Variants in PCDHGA1 observed in about 807,000 individuals in gnomAD.
PCDHGA1 encodes the protein protocadherin gamma-A1.
In PCDHGA1, 32 loss-of-function variants were observed where a neutral mutation model predicts 58.0. The observed-to-expected ratio is 0.55, with a 90% confidence interval of 0.42 to 0.74. The LOEUF (loss-of-function observed/expected upper bound fraction) is 0.74, where lower values mean the gene tolerates loss of function less well. Ranked by LOEUF, PCDHGA1 falls within the 30% of genes least tolerant of loss-of-function variation. The pLI is 0.00. For synonymous variants in PCDHGA1, 498 were observed against 501.1 expected, an observed-to-expected ratio of 0.99 and a Z score of 0.08; for missense variants, 1,205 against 1,182.3, an observed-to-expected ratio of 1.02 and a Z score of -0.28.
chr5:141,429,073 C>CTCGATT (rs1202357717), intron 1 of PCDHGA1: 1 of 152,116 alleles, frequency 6.6e-6, no homozygotes, highest in African/African-American at 2.4e-5. Context: ...CCAGGATGGT[C>CTCGATT]TCGATTTCCT....
rs1212833348 is a variant in PCDHGA1 at position 141,431,379 on chromosome 5, C to T, written c.2422-63428C>T. On this transcript the variant is annotated intron_variant, in intron 1 of 3. Transcript: ENST00000517417. The surrounding 1 kb of genome is among the most constrained non-coding windows in gnomAD (Gnocchi z 4.8). ...GCCCTGGACCGCGAAGAAAAGGCTG[C>T]TCACCACCTGGTCCTTACGGCCTCC... is the stretch of plus-strand genomic sequence containing the variant. 3 of 1,613,946 alleles carry T rather than the reference C, an allele frequency of 1.9e-6. No individual in the cohort carries two copies. Among genetic ancestry groups the T allele is most frequent in the Non-Finnish European group, 2.5e-6 (3 of 1,180,020 alleles).
intron 1 of PCDHGA1, chr5:141,415,448 C>T (rs2095870056): frequency 6.2e-7 from 1 of 1,614,052 alleles, no homozygotes; most frequent in African/African-American, 1.3e-5. Flanking sequence ...CAGACCTATT[C>T]CCACGAGGTC....
In PCDHGA1 at chr5:141,454,796, ATTTTT is replaced by A. The variant is rs61612330; in HGVS notation, c.2422-39986_2422-39982del. Among the ~76,000 whole-genome samples the A allele has an allele frequency of 4.9e-3, 378 of 77,354 alleles. 2 individuals carry two copies. Among genetic ancestry groups the A allele is most frequent in the Admixed American group, 9.2e-3 (51 of 5,544 alleles). 50.7% of individuals were successfully genotyped at this position (77,354 alleles called of 152,430 possible). On this transcript the variant is annotated intron_variant, in intron 1 of 3. Coordinates refer to ENST00000517417, the MANE Select transcript of PCDHGA1 (RefSeq NM_018912.3). ...AAGGAAATAATCCTCCATGGTTCTA[ATTTTT>A]TTTTTTTTTTTTTTTTTTTTTTTTG...
Position 141,512,703 on chromosome 5 carries a change from T to C in PCDHGA1, c.*1530T>C. ...TAGCCAGTAGTGTAGTGCGGTGTGC[T>C]TTTACGTGATGGCGGGTGGGCAGCG... On this transcript the variant is annotated 3_prime_UTR_variant, in exon 4 of 4. Coordinates refer to ENST00000517417, the MANE Select transcript of PCDHGA1 (RefSeq NM_018912.3). 1 of 152,958 alleles carries C rather than the reference T, an allele frequency of 6.5e-6. No individual in the cohort carries two copies. Among genetic ancestry groups the C allele is most frequent in the East Asian group, 1.9e-4 (1 of 5,212 alleles). 9.5% of individuals were successfully genotyped at this position (152,958 alleles called of 1,614,324 possible).
Position 141,486,986 on chromosome 5 carries a change from T to C in PCDHGA1, c.2422-7821T>C. Reference sequence around the variant, plus strand: ...GGACTTGGATTCAGGTTACAATGCTTGGGTTTCCTATCAGCTCCTGGAGGC... The same window carrying C: ...GGACTTGGATTCAGGTTACAATGCTCGGGTTTCCTATCAGCTCCTGGAGGC... On this transcript the variant is annotated intron_variant, in intron 1 of 3. Coordinates refer to ENST00000517417, the MANE Select transcript of PCDHGA1 (RefSeq NM_018912.3). The surrounding 1 kb of genome is among the most constrained non-coding windows in gnomAD (Gnocchi z 5.0). 6.2e-7 allele frequency: 1 copy of C among 1,614,214 alleles called. No homozygotes were observed. Among genetic ancestry groups the C allele is most frequent in the South Asian group, 1.1e-5 (1 of 91,088 alleles).
chr5:141,456,139 C>T (rs999574407), intron 1 of PCDHGA1, among the ~76,000 whole-genome samples: 20 of 152,010 alleles, frequency 1.3e-4, no homozygotes, highest in Admixed American at 9.8e-4. Context: ...CCTCCTGATC[C>T]GCCCGCCTCG....
chr5:141,362,463 C>T (rs745712262), intron 1 of PCDHGA1: 13 of 1,613,916 alleles, frequency 8.1e-6, no homozygotes, highest in African/African-American at 1.3e-5. Flanking sequence ...AATTGGTTCC[C>T]GCGCAAGATC....
Position 141,457,874 on chromosome 5 carries a change from G to A in PCDHGA1, c.2422-36933G>A, listed in dbSNP as rs1592531610. Among the ~76,000 whole-genome samples, 7 of 152,320 alleles carry A rather than the reference G, an allele frequency of 4.6e-5. No homozygotes were observed. In the South Asian group the frequency reaches 1.5e-3, roughly 32 times the overall value. On this transcript the variant is annotated intron_variant, in intron 1 of 3. Transcript: ENST00000517417. ...ACATTCTTCACTGACCACAGGTTAGGAACCCTGTGTGGGGACTGTGTAGAC... is the reference window on the plus strand; with the variant it reads ...ACATTCTTCACTGACCACAGGTTAGAAACCCTGTGTGGGGACTGTGTAGAC...
intron 1 of PCDHGA1, chr5:141,361,248 G>T (rs376049174): frequency 6.2e-7 from 1 of 1,613,958 alleles, no homozygotes; most frequent in Non-Finnish European, 8.5e-7. Flanking sequence ...TGATAAAAAC[G>T]AGAGACAGAG....
Position 141,512,836 on chromosome 5 carries a change from T to G in PCDHGA1, c.*1663T>G, listed in dbSNP as rs1024777792. On this transcript the variant is annotated 3_prime_UTR_variant, in exon 4 of 4. Transcript: ENST00000517417. ...GGCGACCCCCTCCCCCGTACTGACTTCTCCTATAAGCGCTTCTCTTCGCAT... is the reference window on the plus strand; with the variant it reads ...GGCGACCCCCTCCCCCGTACTGACTGCTCCTATAAGCGCTTCTCTTCGCAT... 2 of 152,222 alleles carry G rather than the reference T, an allele frequency of 1.3e-5. No homozygotes were observed. Among genetic ancestry groups the G allele is most frequent in the African/African-American group, 4.8e-5 (2 of 41,412 alleles). The allele number at this position is 152,222 out of a possible 1,614,324, so 9.4% of individuals were successfully genotyped here. A position where few individuals can be genotyped will look rare whatever the true frequency, so the allele number is the denominator to read the frequency against.
rs372466798 is a variant in PCDHGA1 at position 141,413,407 on chromosome 5, C to T, written c.2421+80302C>T. On this transcript the variant is annotated intron_variant, in intron 1 of 3. Transcript: ENST00000517417. ...CATAGTCTCCAGAGGTAGGACGCAG[C>T]TTTTCTCTCTGAACCCGCGCAGCGG... The T allele has an allele frequency of 6.2e-7, 1 of 1,614,044 alleles. No individual in the cohort carries two copies. The highest frequency in any genetic ancestry group is 8.5e-7 in the Non-Finnish European group (1 of 1,179,938).
At position 141,491,422 on chromosome 5, in the gene PCDHGA1, G is replaced by T. The variant is rs1413549196; in HGVS notation, c.2422-3385G>T. 1 of 1,614,112 alleles carries T rather than the reference G, an allele frequency of 6.2e-7. No homozygotes were observed. The stretch of plus-strand genomic sequence containing the variant: ...AAACGCAGACGGGGACGGGGGTGGA[G>T]GGCAGTGCTGCAGGCGCCAGGACTC... On this transcript the variant is annotated intron_variant, in intron 1 of 3. Coordinates refer to ENST00000517417, the MANE Select transcript of PCDHGA1 (RefSeq NM_018912.3). The surrounding 1 kb of genome is among the most constrained non-coding windows in gnomAD (Gnocchi z 6.9).
At chr5:141,364,666 C>T in intron 1 of PCDHGA1, 2 of 1,614,024 alleles carry the variant, frequency 1.2e-6, no homozygotes, top group South Asian at 1.1e-5. Flanking sequence ...TGGTTGAGAA[C>T]AAAATGAAAA....
Position 141,510,946 on chromosome 5 carries a change from GA to G in PCDHGA1, c.2571del (p.Ala858LeufsTer17). The G allele has an allele frequency of 6.2e-7, 1 of 1,614,128 alleles. No homozygotes were observed. ...LQAMILASAS[E>X]AADGSSTLGG... ...CACCTGATCTTCCTCTGTCTCTGCA[GA>G]AGCTGCTGATGGGAGCTCCACCCTG... On this transcript the variant is annotated frameshift_variant and splice_region_variant, in exon 4 of 4. Coordinates refer to ENST00000517417, the MANE Select transcript of PCDHGA1 (RefSeq NM_018912.3). LOFTEE classifies it high-confidence loss of function.
At position 141,332,523 on chromosome 5, in the gene PCDHGA1, G is replaced by C; in HGVS notation, c.1839G>C (p.Glu613Asp). ...CCTACCGCCTGCTCAAGGCCAGCGA[G>C]CCGGGACTCTTCTCGGTGGGTCTGC... ...WLSYRLLKASEPGLFSVGLHT... is the reference protein window; with the variant it reads ...WLSYRLLKASDPGLFSVGLHT... Residue 613 changes from glutamate (E) to aspartate (D), a missense_variant, in exon 1 of 4, where the codon GAG becomes GAC. Transcript: ENST00000517417. This position sits in a 1 kb window ranked among gnomAD's most constrained non-coding sequence, Gnocchi z 4.6. 1 of 1,612,916 alleles carries C rather than the reference G, an allele frequency of 6.2e-7. No homozygotes were observed. The highest frequency in any genetic ancestry group is 8.5e-7 in the Non-Finnish European group (1 of 1,179,932).
intron 1 of PCDHGA1, chr5:141,372,553 G>T: frequency 6.2e-7 from 1 of 1,613,978 alleles, no homozygotes; most frequent in Non-Finnish European, 8.5e-7. Flanking sequence ...TGCTCCTCCA[G>T]ACCCGCCACT....
chr5:141,349,265 G>C (rs1216799971), intron 1 of PCDHGA1, among the ~76,000 whole-genome samples: 1 of 152,022 alleles, frequency 6.6e-6, no homozygotes, highest in Non-Finnish European at 1.5e-5. Flanking sequence ...GAGATGGCTT[G>C]CACCATGTTG....
chr5:141,456,236 T>G (rs1299029934), intron 1 of PCDHGA1, among the ~76,000 whole-genome samples: 1 of 152,120 alleles, frequency 6.6e-6, no homozygotes, highest in African/African-American at 2.4e-5. Flanking sequence ...TAACTGCTGT[T>G]AGGAGGCTTT....
chr5:141,401,158 A>AT (rs1314149261), intron 1 of PCDHGA1, among the ~76,000 whole-genome samples: 1 of 152,194 alleles, frequency 6.6e-6, no homozygotes, highest in Non-Finnish European at 1.5e-5. Context: ...CCTGGGCAAT[A>AT]TGGTGAAAAC....
Sources: gnomAD v4.1 joint callset for allele counts (sites outside exome capture counted in the v4.1 genomes callset) on GRCh38, gnomAD v4.1.1 for gene constraint, Gnocchi (gnomAD v3.1) non-coding constraint, MANE v1.5 for transcripts, NCBI Gene and HGNC (gene_info 2026-07-23, HGNC 2026-07-21) for gene names.